The following REDIC1 variants were observed in gnomAD, a reference collection of about 807,000 sequenced individuals.
The protein encoded by REDIC1 is HEI10 Interacting Protein 1.
At chr12:39,674,307 C>T in the REDIC1 span, among the ~76,000 whole-genome samples, 2 of 152,210 alleles carry the variant, frequency 1.3e-5, no homozygotes, top group South Asian at 4.2e-4. Context: ...TCTGTATTGT[C>T]CACATCTCTT....
At chr12:39,743,043 G>C in the REDIC1 span, among the ~76,000 whole-genome samples, 3 of 139,088 alleles carry the variant, frequency 2.2e-5, no homozygotes, top group Non-Finnish European at 4.6e-5. Context: ...TATAAACCAG[G>C]TTTATAGAGT....
At chr12:39,652,504 G>A in the REDIC1 span, among the ~76,000 whole-genome samples, 2 of 151,976 alleles carry the variant, frequency 1.3e-5, no homozygotes, top group Non-Finnish European at 2.9e-5. Flanking sequence ...ATCTTTTCAT[G>A]TGCATATTAG....
At chr12:39,698,404 A>G in the REDIC1 span, among the ~76,000 whole-genome samples, 13 of 71,062 alleles carry the variant, frequency 1.8e-4, no homozygotes, top group African/African-American at 5.1e-4. Context: ...ATAGTTGGAG[A>G]CTTCAACATT....
chr12:39,635,439 T>C, the REDIC1 span, among the ~76,000 whole-genome samples: 1 of 152,166 alleles, frequency 6.6e-6, no homozygotes, highest in Non-Finnish European at 1.5e-5. Flanking sequence ...GTGGCACATA[T>C]ACACCATGGA....
the REDIC1 span, among the ~76,000 whole-genome samples, chr12:39,881,977 T>C: frequency 6.6e-6 from 1 of 152,144 alleles, no homozygotes; most frequent in East Asian, 1.9e-4. Flanking sequence ...TTAACTGCTC[T>C]ACCACCAAAA....
At chr12:39,823,755 A>G in the REDIC1 span, among the ~76,000 whole-genome samples, 1 of 152,186 alleles carries the variant, frequency 6.6e-6, no homozygotes, top group Admixed American at 6.6e-5. Flanking sequence ...GGCTTCTTCC[A>G]ATAATTTTTA....
chr12:39,786,157 A>G, the REDIC1 span, among the ~76,000 whole-genome samples: 1 of 152,122 alleles, frequency 6.6e-6, no homozygotes, highest in Admixed American at 6.5e-5. Flanking sequence ...GTCCCCACCC[A>G]AATCTCAACT....
the REDIC1 span, among the ~76,000 whole-genome samples, chr12:39,709,130 G>A: frequency 6.6e-6 from 1 of 151,218 alleles, no homozygotes; most frequent in African/African-American, 2.4e-5. Context: ...AGTGCTTTCT[G>A]ATACCCAAAC....
At chr12:39,859,431 G>C in the REDIC1 span, among the ~76,000 whole-genome samples, 1 of 149,972 alleles carries the variant, frequency 6.7e-6, no homozygotes, top group Non-Finnish European at 1.5e-5. Flanking sequence ...ACATGCCACT[G>C]TCCTGGTGAG....
At chr12:39,824,646 C>T in the REDIC1 span, among the ~76,000 whole-genome samples, 9 of 152,184 alleles carry the variant, frequency 5.9e-5, no homozygotes, top group African/African-American at 2.2e-4. Flanking sequence ...CACACTGCTA[C>T]TGCTAAGTGG....
chr12:39,724,911 A>T, the REDIC1 span, among the ~76,000 whole-genome samples: 4 of 152,114 alleles, frequency 2.6e-5, no homozygotes, highest in African/African-American at 9.7e-5. Flanking sequence ...TGAAGTATCA[A>T]CAGTATAGGA....
chr12:39,764,717 A>T, the REDIC1 span: 1 of 1,610,478 alleles, frequency 6.2e-7, no homozygotes, highest in Non-Finnish European at 8.5e-7. Context: ...ATGCAACAGT[A>T]TAACAAAGTC....
the REDIC1 span, among the ~76,000 whole-genome samples, chr12:39,704,622 C>T: frequency 0.016 from 2,477 of 151,930 alleles, 66 homozygotes; most frequent in African/African-American, 0.054. Context: ...CACATGCACA[C>T]GTATGTTTAT....
At chr12:39,758,833 G>C in the REDIC1 span, 3 of 151,036 alleles carry the variant, frequency 2.0e-5, no homozygotes, top group African/African-American at 7.3e-5. Flanking sequence ...TGAGAAAAGT[G>C]TGCAAAATAA....
chr12:39,732,680 T>C, the REDIC1 span, among the ~76,000 whole-genome samples: 1 of 152,240 alleles, frequency 6.6e-6, no homozygotes. Context: ...ACCAGTAGGC[T>C]CTCTGTCATC....
chr12:39,861,021 C>G, the REDIC1 span, among the ~76,000 whole-genome samples: 2 of 152,212 alleles, frequency 1.3e-5, no homozygotes, highest in Non-Finnish European at 2.9e-5. Context: ...TCTTAATAGT[C>G]TTATCTGAAT....
At chr12:39,653,492 GTCT>G in the REDIC1 span, among the ~76,000 whole-genome samples, 6,542 of 54,986 alleles carry the variant, frequency 0.12, 1,052 homozygotes, top group East Asian at 0.34. Flanking sequence ...CAATCTGGAT[GTCT>G]TCTTCTTCTT....
chr12:39,658,799 T>C, the REDIC1 span, among the ~76,000 whole-genome samples: 4,067 of 152,292 alleles, frequency 0.027, 67 homozygotes, highest in Non-Finnish European at 0.044. Flanking sequence ...CTTCAAGTTA[T>C]AGTATCAAGT....
the REDIC1 span, among the ~76,000 whole-genome samples, chr12:39,851,140 TC>T: frequency 4.8e-4 from 73 of 152,260 alleles, no homozygotes; most frequent in East Asian, 9.7e-3. Context: ...CCTCAGATGA[TC>T]CACCTGCCTT....
Sources: allele counts gnomAD v4.1 joint callset (sites outside exome capture counted in the v4.1 genomes callset), GRCh38; gene constraint gnomAD v4.1.1; transcripts MANE v1.5; gene names NCBI Gene and HGNC (gene_info 2026-07-23, HGNC 2026-07-21).